The following GALNT2 variants were observed in gnomAD, a reference collection of about 807,000 sequenced individuals.
The protein encoded by GALNT2 is polypeptide N-acetylgalactosaminyltransferase 2, also known as UDP-GalNAc:polypeptide N-acetylgalactosaminyltransferase 2.
In GALNT2, 31 loss-of-function variants were observed where a neutral mutation model predicts 81.4. That is an observed-to-expected ratio of 0.38 (90% CI 0.29 to 0.51). The LOEUF (loss-of-function observed/expected upper bound fraction) is 0.51, where lower values mean the gene tolerates loss of function less well. Ranked by LOEUF, GALNT2 falls within the 20% of genes least tolerant of loss-of-function variation. The pLI, the probability that GALNT2 is intolerant of heterozygous loss-of-function variation, is 0.87. For missense variants in GALNT2, 629 were observed against 765.7 expected (o/e 0.82, Z 2.11); for synonymous variants, 303 against 287.4 (o/e 1.05, Z -0.55).
chr1:230,125,074 C>A (rs969558323), intron 1 of GALNT2, among the ~76,000 whole-genome samples: 6 of 152,202 alleles, frequency 3.9e-5, no homozygotes, highest in Non-Finnish European at 7.3e-5. Flanking sequence ...TGACGTGTAA[C>A]CTGGTCTCCG....
At chr1:230,112,136 A>T (rs541040471) in intron 1 of GALNT2, among the ~76,000 whole-genome samples, 1 of 152,316 alleles carries the variant, frequency 6.6e-6, no homozygotes, top group South Asian at 2.1e-4. Context: ...GCTGGATCTC[A>T]GCTCTGCTCC....
At chr1:230,205,317 T>C (rs1289464268) in intron 3 of GALNT2, among the ~76,000 whole-genome samples, 3 of 152,234 alleles carry the variant, frequency 2.0e-5, no homozygotes, top group South Asian at 4.1e-4. Flanking sequence ...CCAGCTCATA[T>C]TTAAGAAATA....
intron 2 of GALNT2, among the ~76,000 whole-genome samples, chr1:230,191,853 A>G (rs770141149): frequency 5.3e-5 from 8 of 152,290 alleles, no homozygotes; most frequent in African/African-American, 1.7e-4. Flanking sequence ...GCCCCCACCA[A>G]CAGTTCTCGC....
At chr1:230,245,068 GGTTAGAGAT>G (rs1665323085) in intron 7 of GALNT2, among the ~76,000 whole-genome samples, 1 of 152,140 alleles carries the variant, frequency 6.6e-6, no homozygotes, top group African/African-American at 2.4e-5. Flanking sequence ...AGCTTAAAGA[GGTTAGAGAT>G]GTTAAAAGGC....
rs564487255 is a variant in GALNT2 at position 230,073,760 on chromosome 1, G to A, written c.126+6354G>A. ...AAGCAGTTAAGGGCTGGCTGCCTGG[G>A]GGCTGGGAAATGGGCCGATCCCTCA... is the stretch of plus-strand genomic sequence containing the variant. On this transcript the variant is annotated intron_variant, in intron 1 of 15. Coordinates refer to ENST00000366672, the MANE Select transcript of GALNT2 (RefSeq NM_004481.5). Among the ~76,000 whole-genome samples, 4 of 152,328 alleles carry A rather than the reference G, an allele frequency of 2.6e-5. No individual in the cohort carries two copies. In the South Asian group the frequency reaches 6.2e-4, roughly 24 times the overall value.
chr1:230,100,648 G>A lies in GALNT2; in HGVS notation c.126+33242G>A, dbSNP rs569708609. On this transcript the variant is annotated intron_variant, in intron 1 of 15. Transcript: ENST00000366672. ...GCGTTTTTATTCTTAAAATAATCCTGTGAGGCGTATGTAGTGTTCACCTGA... is the reference window on the plus strand; with the variant it reads ...GCGTTTTTATTCTTAAAATAATCCTATGAGGCGTATGTAGTGTTCACCTGA... Among the ~76,000 whole-genome samples the A allele has an allele frequency of 3.9e-5, 6 of 152,298 alleles. No homozygotes were observed. In the East Asian group the frequency reaches 7.7e-4, roughly 20 times the overall value.
intron 1 of GALNT2, among the ~76,000 whole-genome samples, chr1:230,169,907 G>A (rs1572044088): frequency 1.3e-5 from 2 of 152,346 alleles, no homozygotes; most frequent in South Asian, 2.1e-4. Context: ...CTAAGTTGGA[G>A]CAGTGAAAGT....
chr1:230,066,983 G>A (rs1659203118), upstream of GALNT2, among the ~76,000 whole-genome samples: 2 of 149,168 alleles, frequency 1.3e-5, no homozygotes, highest in South Asian at 2.1e-4. Flanking sequence ...GTCCCCTCCC[G>A]CGGCCCGCGC....
intron 11 of GALNT2, among the ~76,000 whole-genome samples, chr1:230,261,559 T>C (rs1251203002): frequency 6.6e-6 from 1 of 152,218 alleles, no homozygotes; most frequent in East Asian, 1.9e-4. Context: ...ACTTCATGGA[T>C]GCTTTAAGAT....
intron 1 of GALNT2, among the ~76,000 whole-genome samples, chr1:230,079,698 G>A (rs1285413083): frequency 1.3e-5 from 2 of 152,234 alleles, no homozygotes; most frequent in Admixed American, 6.5e-5. Flanking sequence ...TGATCGAGAA[G>A]CAGAGAGCCG....
At chr1:230,203,617 A>G (rs1475128152) in intron 3 of GALNT2, among the ~76,000 whole-genome samples, 1 of 152,222 alleles carries the variant, frequency 6.6e-6, no homozygotes, top group Non-Finnish European at 1.5e-5. Context: ...ATCCATTCAC[A>G]AAAATGCAAA....
At chr1:230,128,008 AC>A (rs1661245744) in intron 1 of GALNT2, among the ~76,000 whole-genome samples, 1 of 137,078 alleles carries the variant, frequency 7.3e-6, no homozygotes, top group Non-Finnish European at 1.6e-5. Flanking sequence ...GCAGGCACAG[AC>A]TGAATGGGAT....
chr1:230,258,531 A>G (rs1665787241), intron 11 of GALNT2, among the ~76,000 whole-genome samples: 1 of 152,176 alleles, frequency 6.6e-6, no homozygotes, highest in Non-Finnish European at 1.5e-5. Context: ...GGCCATTTTT[A>G]AACTTCTTAA....
intron 1 of GALNT2, among the ~76,000 whole-genome samples, chr1:230,143,793 C>T (rs1661826652): frequency 6.6e-6 from 1 of 152,198 alleles, no homozygotes; most frequent in Non-Finnish European, 1.5e-5. Flanking sequence ...CCAGATGCCC[C>T]CAGCTGTGAC....
At chr1:230,178,696 C>G (rs1663063298) in intron 2 of GALNT2, among the ~76,000 whole-genome samples, 1 of 151,886 alleles carries the variant, frequency 6.6e-6, no homozygotes. Flanking sequence ...AACACACATA[C>G]AACCTCCTCC....
chr1:230,255,104 T>C, intron 10 of GALNT2, 114 bp from the exon 11 acceptor site: 1 of 1,463,350 alleles, frequency 6.8e-7, no homozygotes, highest in Non-Finnish European at 9.5e-7. Context: ...GCAGAGGGCA[T>C]GGGAGCCCCA....
intron 1 of GALNT2, among the ~76,000 whole-genome samples, chr1:230,086,743 T>A (rs886284906): frequency 4.6e-5 from 7 of 152,158 alleles, no homozygotes; most frequent in African/African-American, 1.7e-4. Context: ...GTTATTCATG[T>A]GTTCGGGGCA....
At chr1:230,269,299 C>T (rs533161263) in intron 14 of GALNT2, among the ~76,000 whole-genome samples, 61 of 151,698 alleles carry the variant, frequency 4.0e-4, no homozygotes, top group Middle Eastern at 3.4e-3. Flanking sequence ...CATTCTCCTG[C>T]CTCAGCCTCT....
chr1:230,256,418 C>A (rs1665717382), intron 11 of GALNT2, among the ~76,000 whole-genome samples: 2 of 149,376 alleles, frequency 1.3e-5, no homozygotes, highest in Non-Finnish European at 3.0e-5. Flanking sequence ...TGCACTCCAA[C>A]CTGGGCAACA....
Sources: gnomAD v4.1 joint callset for allele counts (sites outside exome capture counted in the v4.1 genomes callset) on GRCh38, gnomAD v4.1.1 for gene constraint, MANE v1.5 for transcripts, NCBI Gene and HGNC (gene_info 2026-07-23, HGNC 2026-07-21) for gene names.